WNT3A: variants seen among roughly 807,000 people sequenced by gnomAD.
The protein encoded by WNT3A is Wnt family member 3A.
Under a neutral mutation model 37.0 loss-of-function variants are expected in WNT3A, and 17 were observed. The observed-to-expected ratio is 0.46, with a 90% CI of 0.31 to 0.69. The LOEUF is 0.69. WNT3A is among the 30% of genes least tolerant of loss of function. WNT3A has a pLI of 0.05. For synonymous variants in WNT3A, 187 were observed against 211.0 expected, an observed-to-expected ratio of 0.89 and a Z score of 0.99; for missense variants, 411 against 510.2, an observed-to-expected ratio of 0.81 and a Z score of 1.87.
At chr1:228,029,065 C>A (rs1289101055) in intron 2 of WNT3A, among the ~76,000 whole-genome samples, 2 of 152,174 alleles carry the variant, frequency 1.3e-5, no homozygotes, top group African/African-American at 4.8e-5. Flanking sequence ...CCGGCCTTCA[C>A]TGTCCCAGGC....
chr1:228,047,031 T>C (rs1209003920), intron 2 of WNT3A, among the ~76,000 whole-genome samples: 1 of 152,008 alleles, frequency 6.6e-6, no homozygotes, highest in Non-Finnish European at 1.5e-5. Context: ...GAGGGGCAAA[T>C]TGGCTGAGAG....
chr1:228,021,194 C>G (rs765850845), intron 1 of WNT3A, among the ~76,000 whole-genome samples: 2 of 152,256 alleles, frequency 1.3e-5, no homozygotes, highest in African/African-American at 2.4e-5. Context: ...CCCTATCTAA[C>G]TGTCCCATTC....
intron 3 of WNT3A, among the ~76,000 whole-genome samples, chr1:228,055,174 AAAAAAATATATATAT>A (rs1291970193): frequency 3.1e-5 from 2 of 64,864 alleles, no homozygotes; most frequent in African/African-American, 6.7e-5. Flanking sequence ...AAAAAAAAAA[AAAAAAATATATATAT>A]ATATATATAT....
intron 2 of WNT3A, among the ~76,000 whole-genome samples, chr1:228,034,746 A>G (rs1009127662): frequency 2.0e-5 from 3 of 152,200 alleles, no homozygotes; most frequent in Non-Finnish European, 4.4e-5. Flanking sequence ...AAAAAATCCT[A>G]TCAGCCCATG....
chr1:228,044,901 G>A (rs2102776362), intron 2 of WNT3A, among the ~76,000 whole-genome samples: 1 of 152,172 alleles, frequency 6.6e-6, no homozygotes, highest in East Asian at 1.9e-4. Flanking sequence ...CCTGGGATCT[G>A]AGCCTCTCTG....
At chr1:228,025,580 C>A (rs2030834059) in intron 2 of WNT3A, among the ~76,000 whole-genome samples, 2 of 152,202 alleles carry the variant, frequency 1.3e-5, no homozygotes, top group Non-Finnish European at 2.9e-5. Context: ...AACTCCTGGG[C>A]TCAAGCGATC....
intron 2 of WNT3A, among the ~76,000 whole-genome samples, chr1:228,049,225 A>T (rs1389716710): frequency 2.0e-5 from 3 of 152,118 alleles, no homozygotes; most frequent in Non-Finnish European, 4.4e-5. Context: ...AGGCAATGGC[A>T]AGTGGCACAG....
intron 2 of WNT3A, among the ~76,000 whole-genome samples, chr1:228,027,150 C>G (rs982439363): frequency 2.0e-5 from 3 of 152,188 alleles, no homozygotes; most frequent in African/African-American, 7.2e-5. Context: ...GCCTTATACA[C>G]CACGTTTTCT....
At chr1:228,014,726 T>C (rs971858797) in intron 1 of WNT3A, among the ~76,000 whole-genome samples, 1 of 152,254 alleles carries the variant, frequency 6.6e-6, no homozygotes, top group African/African-American at 2.4e-5. Context: ...CGGACTGGGC[T>C]GGCCTACCGC....
chr1:228,047,270 G>A (rs1377894892), intron 2 of WNT3A, among the ~76,000 whole-genome samples: 3 of 152,160 alleles, frequency 2.0e-5, no homozygotes, highest in African/African-American at 7.2e-5. Flanking sequence ...CGCCATCAGG[G>A]GGCTGTTGGC....
chr1:228,045,011 G>A (rs549537805), intron 2 of WNT3A, among the ~76,000 whole-genome samples: 106 of 152,244 alleles, frequency 7.0e-4, no homozygotes, highest in Non-Finnish European at 1.2e-3. Context: ...TGATGGAAGA[G>A]AAAATCAAGG....
In WNT3A at chr1:228,059,694, A is replaced by T; in HGVS notation, c.*229A>T. The T allele has an allele frequency of 1.5e-6, 2 of 1,336,490 alleles. No homozygotes were observed. Among genetic ancestry groups the T allele is most frequent in the Non-Finnish European group, 1.9e-6 (2 of 1,050,770 alleles). 82.8% of individuals were successfully genotyped at this position (1,336,490 alleles called of 1,614,324 possible). On this transcript the variant is annotated 3_prime_UTR_variant, in exon 4 of 4. Coordinates refer to ENST00000284523, the MANE Select transcript of WNT3A (RefSeq NM_033131.4). ...GCTGGGCTGCTCCTGAATGAGGCGG[A>T]GCTCCAGGATGGGGAGGGGCTCTGC...
rs2031304218 is a variant in WNT3A, at chr1:228,042,355, A to T, written c.314-8301A>T. Among the ~76,000 whole-genome samples the T allele has an allele frequency of 6.6e-6, 1 of 152,162 alleles. No homozygotes were observed. Among genetic ancestry groups the T allele is most frequent in the Non-Finnish European group, 1.5e-5 (1 of 68,038 alleles). ...TCATCTCATATTCCTCATTCAGCCCAGTGCCTGGCTCATTAGGGACTCTCA... is the reference window on the plus strand; with the variant it reads ...TCATCTCATATTCCTCATTCAGCCCTGTGCCTGGCTCATTAGGGACTCTCA... On this transcript the variant is annotated intron_variant, in intron 2 of 3. Coordinates refer to ENST00000284523, the MANE Select transcript of WNT3A (RefSeq NM_033131.4). This position sits in a 1 kb window ranked among gnomAD's most constrained non-coding sequence, Gnocchi z 5.2.
At position 228,037,062 on chromosome 1, in the gene WNT3A, T is replaced by C. The variant is rs1279574010; in HGVS notation, c.314-13594T>C. On this transcript the variant is annotated intron_variant, in intron 2 of 3. Transcript: ENST00000284523. This position sits in a 1 kb window ranked among gnomAD's most constrained non-coding sequence, Gnocchi z 4.1. ...GCCAGATAGGTCGGGGGGAGTGGAG[T>C]GGCATGGGGAGGTATGCAATCTCTT... Among the ~76,000 whole-genome samples the C allele has an allele frequency of 1.3e-5, 2 of 151,278 alleles. No homozygotes were observed. The highest frequency in any genetic ancestry group is 3.0e-5 in the Non-Finnish European group (2 of 67,784).
intron 2 of WNT3A, among the ~76,000 whole-genome samples, chr1:228,028,034 C>A (rs1224528534): frequency 6.6e-6 from 1 of 152,056 alleles, no homozygotes; most frequent in Admixed American, 6.6e-5. Context: ...GTAGGGTGAC[C>A]TTTTTCCAAT....
Position 228,028,442 on chromosome 1 carries a change from C to T in WNT3A, c.313+5534C>T, listed in dbSNP as rs182213853. Among the ~76,000 whole-genome samples, 292 of 152,114 alleles carry T rather than the reference C, an allele frequency of 1.9e-3. 1 individual carries two copies. Among genetic ancestry groups the T allele is most frequent in the African/African-American group, 6.8e-3 (282 of 41,488 alleles). On this transcript the variant is annotated intron_variant, in intron 2 of 3. Transcript: ENST00000284523. Reference sequence around the variant, plus strand: ...TCAGCCTCCCAAGTAACTGGGATTACAGGCATGTGCCACAATACCTGGCTA... The same window carrying T: ...TCAGCCTCCCAAGTAACTGGGATTATAGGCATGTGCCACAATACCTGGCTA...
At chr1:228,018,340 T>G (rs1267479787) in intron 1 of WNT3A, among the ~76,000 whole-genome samples, 1 of 151,956 alleles carries the variant, frequency 6.6e-6, no homozygotes, top group Non-Finnish European at 1.5e-5. Context: ...GCATTCTCCT[T>G]GGATTAGAAA....
chr1:228,036,317 T>C (rs1295795864), intron 2 of WNT3A, among the ~76,000 whole-genome samples: 2 of 152,036 alleles, frequency 1.3e-5, no homozygotes, highest in Non-Finnish European at 2.9e-5. Context: ...GAGGGGTGCA[T>C]GTGTGTGCCT....
rs763611956 is a variant in WNT3A at position 228,022,887 on chromosome 1, T to C, written c.292T>C (p.Phe98Leu). 6.2e-7 allele frequency: 1 copy of C among 1,611,268 alleles called. No homozygotes were observed. Among genetic ancestry groups the C allele is most frequent in the East Asian group, 2.2e-5 (1 of 44,836 alleles). The change falls in exon 2 of 4, where the codon TTC becomes CTC. Residue 98 changes from phenylalanine to leucine, a missense_variant. Transcript: ENST00000284523. ...CACCGTCCACGACAGCCTGGCCATC[T>C]TCGGGCCCGTGCTGGACAAAGGTAT... ...CTTVHDSLAI[F>L]GPVLDKATRE...
Sources: gnomAD v4.1 joint callset for allele counts (sites outside exome capture counted in the v4.1 genomes callset) on GRCh38, gnomAD v4.1.1 for gene constraint, Gnocchi (gnomAD v3.1) non-coding constraint, MANE v1.5 for transcripts, NCBI Gene and HGNC (gene_info 2026-07-23, HGNC 2026-07-21) for gene names.